IQSEC2: variants seen among roughly 807,000 people sequenced by gnomAD.
IQSEC2 encodes IQ motif and SEC7 domain-containing protein 2.
IQSEC2 carries 6 observed loss-of-function variants against 74.6 expected under a neutral mutation model. The ratio of observed to expected loss-of-function variants is 0.08; its 90% CI spans 0.04 to 0.16. The LOEUF (loss-of-function observed/expected upper bound fraction) is 0.16. Ranked by LOEUF, IQSEC2 falls within the 10% of genes least tolerant of loss-of-function variation. The pLI, the probability that IQSEC2 is intolerant of heterozygous loss-of-function variation, is 1.00. For missense variants in IQSEC2, 734 were observed against 1,306.2 expected (o/e 0.56, Z 6.75); for synonymous variants, 494 against 544.5 (o/e 0.91, Z 1.29).
At chrX:53,307,105 C>T (rs1343565224) in intron 1 of IQSEC2, among the ~76,000 whole-genome samples, 1 of 109,464 alleles carries the variant, frequency 9.1e-6, no homozygotes, top group African/African-American at 3.3e-5. Flanking sequence ...TGAGTCAAGA[C>T]ACCTAGTGGC....
At chrX:53,228,379 C>A (rs147776911), downstream of IQSEC2, among the ~76,000 whole-genome samples, 391 of 111,450 alleles carry the variant, frequency 3.5e-3, 2 homozygotes, top group African/African-American at 0.012. Flanking sequence ...GGTTTGTTCC[C>A]CAAGCCATGG....
intron 11 of IQSEC2, among the ~76,000 whole-genome samples, 172 bp downstream of exon 11, chrX:53,239,023 C>T (rs2074177809): frequency 9.0e-6 from 1 of 111,197 alleles, no homozygotes; most frequent in African/African-American, 3.3e-5. Flanking sequence ...AGGGGCTAGA[C>T]CCAAGTCATA....
chrX:53,317,737 G>A (rs971218568), intron 1 of IQSEC2, among the ~76,000 whole-genome samples: 3 of 112,493 alleles, frequency 2.7e-5, no homozygotes, highest in African/African-American at 9.7e-5. Flanking sequence ...AGCCTCTGCT[G>A]CTAAACTCCC....
intron 2 of IQSEC2, among the ~76,000 whole-genome samples, chrX:53,274,452 C>CTTTTTTT (rs66510453): frequency 0.014 from 637 of 47,103 alleles, 111 homozygotes; most frequent in Non-Finnish European, 0.015. Flanking sequence ...AGTTACATTT[C>CTTTTTTT]TTTTTTTTTT....
chrX:53,280,711 G>A (rs782453950), intron 2 of IQSEC2, among the ~76,000 whole-genome samples: 13 of 111,563 alleles, frequency 1.2e-4, no homozygotes, highest in South Asian at 7.6e-4. Context: ...TGCCTCCTGC[G>A]ATTAAAGTCC....
rs782312462 is a variant in IQSEC2, at chrX:53,251,099, A to G, written c.1477T>C (p.Ser493Pro). The G allele has an allele frequency of 8.3e-7, 1 of 1,209,839 alleles. No homozygotes were observed. The highest frequency in any genetic ancestry group is 1.8e-5 in the South Asian group (1 of 56,775). The change falls in exon 5 of 15, where the codon TCA (serine) becomes CCA (proline). Residue 493 changes from serine to proline, a missense_variant. Ser to Pro is a moderately conservative substitution (Grantham distance 74, BLOSUM62 -1). Coordinates refer to ENST00000642864, the MANE Select transcript of IQSEC2 (RefSeq NM_001111125.3). ...PSGPMSEEPGSAQLEKRESKE... is the reference protein window; with the variant it reads ...PSGPMSEEPGPAQLEKRESKE... ...GACTCCCGCTTCTCCAGCTGGGCTG[A>G]CCCTGGCTCCTCAGACATGGGCCCT...
At chrX:53,244,994 A>G (rs1307960979) in intron 8 of IQSEC2, among the ~76,000 whole-genome samples, 6 of 110,392 alleles carry the variant, frequency 5.4e-5, no homozygotes. Context: ...GAGAGAGGGA[A>G]AAAGAATGGA....
chrX:53,231,834 C>CA (rs782361680), downstream of IQSEC2: 34 of 112,342 alleles, frequency 3.0e-4, no homozygotes, highest in African/African-American at 1.0e-3. Flanking sequence ...TAGGTGGCCC[C>CA]AGCTGCTGCT....
intron 2 of IQSEC2, among the ~76,000 whole-genome samples, chrX:53,283,899 G>A (rs2075000152): frequency 8.9e-6 from 1 of 112,230 alleles, no homozygotes; most frequent in African/African-American, 3.2e-5. Context: ...AGTAGAGATG[G>A]CAGGAGGAGA....
chrX:53,236,800 T>A lies in IQSEC2; in HGVS notation c.3278-305A>T, dbSNP rs1262202531. ...TTTCCCTTCCTTTCACCCTTCTGAC[T>A]TCTCCCCTCCCATGCCCTCTTGCAA... On this transcript the variant is annotated intron_variant, in intron 12 of 14. Coordinates refer to ENST00000642864, the MANE Select transcript of IQSEC2 (RefSeq NM_001111125.3). 2.7e-5 allele frequency among the ~76,000 whole-genome samples: 3 copies of A among 110,988 alleles called. No individual in the cohort carries two copies. The Admixed American group carries it at 2.9e-4, about 11-fold the overall frequency.
At position 53,311,121 on chromosome X, in the gene IQSEC2, C is replaced by CAAA. The variant is rs56198617; in HGVS notation, c.707+9293_707+9295dup. On this transcript the variant is annotated intron_variant, in intron 1 of 14. Coordinates refer to ENST00000642864, the MANE Select transcript of IQSEC2 (RefSeq NM_001111125.3). ...GGTGACAGAACGAGAGACTCCATCT[C>CAAA]AAAAAAAAAAAAAAGAAAAGAAAAG... Among the ~76,000 whole-genome samples the CAAA allele has an allele frequency of 1.9e-4, 4 of 21,571 alleles. 1 individual carries two copies. Among genetic ancestry groups the CAAA allele is most frequent in the South Asian group, 0.011 (1 of 93 alleles). The allele number at this position is 21,571 out of a possible 115,157, so 18.7% of individuals were successfully genotyped here. A position where few individuals can be genotyped will look rare whatever the true frequency, so the allele number is the denominator to read the frequency against.
chrX:53,299,496 GT>G (rs1285577234), intron 1 of IQSEC2, among the ~76,000 whole-genome samples: 1 of 111,336 alleles, frequency 9.0e-6, no homozygotes, highest in Non-Finnish European at 1.9e-5. Context: ...CCTGACTTTG[GT>G]GTCCTAGAAG....
intron 2 of IQSEC2, among the ~76,000 whole-genome samples, chrX:53,267,586 A>T (rs1556867950): frequency 9.0e-6 from 1 of 111,523 alleles, no homozygotes; most frequent in African/African-American, 3.3e-5. Flanking sequence ...TGAACTTGGC[A>T]CTATCTCTAG....
chrX:53,310,317 G>A (rs1272795371), intron 1 of IQSEC2, among the ~76,000 whole-genome samples: 1 of 110,490 alleles, frequency 9.1e-6, no homozygotes. Flanking sequence ...CCAGGATGTC[G>A]AGGCTGCAGT....
rs376149648 is a variant in IQSEC2, at chrX:53,250,956, C to T, written c.1620G>A (p.Gln540=). ...CTGGCGCCCAGAACTCGGGCCGGCC[C>T]TGGGGTGGGGGTTCTGTGCTGGGCA... is the stretch of plus-strand genomic sequence containing the variant. The part of the protein sequence containing the change: ...ERLPSTEPPP[Q]GRPEFWAPAP... The change falls in exon 5 of 15, where the codon CAG becomes CAA. Residue 540 remains glutamine (Q), a synonymous_variant. Transcript: ENST00000642864. The T allele has an allele frequency of 4.1e-6, 5 of 1,210,512 alleles. No homozygotes were observed. Among genetic ancestry groups the T allele is most frequent in the Admixed American group, 4.4e-5 (2 of 45,942 alleles).
At chrX:53,287,107 T>G (rs1348241019) in intron 2 of IQSEC2, among the ~76,000 whole-genome samples, 1 of 110,485 alleles carries the variant, frequency 9.1e-6, no homozygotes, top group Non-Finnish European at 1.9e-5. Flanking sequence ...TTCCAGTTGG[T>G]GTGAGGCCTG....
At chrX:53,286,215 C>T (rs1556871712) in intron 2 of IQSEC2, among the ~76,000 whole-genome samples, 1 of 111,508 alleles carries the variant, frequency 9.0e-6, no homozygotes, top group Admixed American at 9.5e-5. Flanking sequence ...CATTTAAAAG[C>T]TTTTTCGGCA....
intron 2 of IQSEC2, among the ~76,000 whole-genome samples, chrX:53,269,672 C>T (rs2074710358): frequency 9.0e-6 from 1 of 110,856 alleles, no homozygotes. Context: ...CACTTCGGTA[C>T]CTCCCACGAG....
At chrX:53,230,130 T>G (rs782729205), downstream of IQSEC2, 1 of 112,391 alleles carries the variant, frequency 8.9e-6, no homozygotes, top group East Asian at 2.8e-4. Context: ...CCCTCCCTTC[T>G]CTATCAGGCT....
Sources: gnomAD v4.1 joint callset for allele counts (sites outside exome capture counted in the v4.1 genomes callset) on GRCh38, gnomAD v4.1.1 for gene constraint, MANE v1.5 for transcripts, NCBI Gene and HGNC (gene_info 2026-07-23, HGNC 2026-07-21) for gene names.